GBP7: variants seen among roughly 807,000 people sequenced by gnomAD.
GBP7 encodes guanylate binding protein 7.
In GBP7, 43 loss-of-function variants were observed where a neutral mutation model predicts 61.3. That is an observed-to-expected ratio of 0.70 (90% CI 0.55 to 0.91). The LOEUF (loss-of-function observed/expected upper bound fraction) is 0.91, where lower values mean the gene tolerates loss of function less well. Ranked by LOEUF, GBP7 falls within the 40% of genes least tolerant of loss-of-function variation. The probability of loss-of-function intolerance (pLI) is 0.00; values close to 1 mark genes in which losing one functional copy is unlikely to be tolerated. For missense variants in GBP7, 717 were observed against 740.5 expected (o/e 0.97, Z 0.37); for synonymous variants, 267 against 271.0 (o/e 0.99, Z 0.14).
intron 2 of GBP7, among the ~76,000 whole-genome samples, chr1:89,166,952 C>T (rs1647460290): frequency 6.6e-6 from 1 of 152,198 alleles, no homozygotes; most frequent in African/African-American, 2.4e-5. Context: ...CCTGCATGTA[C>T]TTCTCCTTTC....
In GBP7 at chr1:89,164,831, G is replaced by C; in HGVS notation, c.218C>G (p.Ser73Cys). Residue 73 changes from serine to cysteine, a missense_variant, in exon 3 of 11, where the codon TCT (serine) becomes TGT (cysteine). Ser to Cys is a moderately radical substitution (Grantham distance 112). Coordinates refer to ENST00000294671, the MANE Select transcript of GBP7 (RefSeq NM_207398.3). ...CCACATCCAGATGCCTTTGGTTTCA[G>C]ACTTCACTGTGCAGCCCAGAGGGAA... ...KGFPLGCTVK[S>C]ETKGIWMWCV... 1 of 1,613,932 alleles carries C rather than the reference G, an allele frequency of 6.2e-7. No homozygotes were observed. The highest frequency in any genetic ancestry group is 8.5e-7 in the Non-Finnish European group (1 of 1,179,888).
At chr1:89,162,341 GC>G (rs1430713642) in intron 3 of GBP7, among the ~76,000 whole-genome samples, 3 of 152,160 alleles carry the variant, frequency 2.0e-5, no homozygotes, top group Non-Finnish European at 4.4e-5. Flanking sequence ...AATAGGAATA[GC>G]ATTGAATCTA....
chr1:89,174,229 T>A (rs1647678566), intron 1 of GBP7, among the ~76,000 whole-genome samples: 1 of 152,232 alleles, frequency 6.6e-6, no homozygotes, highest in Non-Finnish European at 1.5e-5. Context: ...TATGCATGTG[T>A]ATTTTTATAT....
intron 3 of GBP7, among the ~76,000 whole-genome samples, chr1:89,157,537 C>T (rs1682344966): frequency 6.6e-6 from 1 of 151,962 alleles, no homozygotes; most frequent in Non-Finnish European, 1.5e-5. Context: ...ACCGCCGATC[C>T]CACAGAAATA....
rs147948134 is a variant in GBP7, at chr1:89,171,630, G to A, written c.190+116C>T. 58 of 862,414 alleles carry A rather than the reference G, an allele frequency of 6.7e-5. No individual in the cohort carries two copies. The East Asian group carries it at 1.5e-3, about 22-fold the overall frequency. 53.4% of individuals were successfully genotyped at this position (862,414 alleles called of 1,614,324 possible). A position where few individuals can be genotyped will look rare whatever the true frequency, so the allele number is the denominator to read the frequency against. On this transcript the variant is annotated intron_variant, in intron 2 of 10. Coordinates refer to ENST00000294671, the MANE Select transcript of GBP7 (RefSeq NM_207398.3). ...TGAAGGGTTCACTGATGAATTCAAA[G>A]TTAGCTATCAATACTTATCCCCAAC... is the stretch of plus-strand genomic sequence containing the variant.
At chr1:89,146,179 A>G (rs1202275765) in intron 8 of GBP7, among the ~76,000 whole-genome samples, 1 of 152,026 alleles carries the variant, frequency 6.6e-6, no homozygotes, top group African/African-American at 2.4e-5. Context: ...TTTCAAAAAA[A>G]TGTGTCAAGA....
intron 2 of GBP7, among the ~76,000 whole-genome samples, chr1:89,169,939 C>T (rs1323513379): frequency 6.6e-6 from 1 of 152,198 alleles, no homozygotes; most frequent in East Asian, 1.9e-4. Flanking sequence ...TCATAATCAG[C>T]AGCTTCTGTG....
At chr1:89,159,020 A>G (rs137902555) in intron 3 of GBP7, among the ~76,000 whole-genome samples, 2,452 of 152,292 alleles carry the variant, frequency 0.016, 56 homozygotes, top group African/African-American at 0.055. Context: ...AGAGATATAG[A>G]CCAATGGAAC....
At chr1:89,150,650 C>G in intron 5 of GBP7, 75 bp from the exon 6 acceptor site, 6 of 1,472,428 alleles carry the variant, frequency 4.1e-6, no homozygotes, top group Non-Finnish European at 5.6e-6. Context: ...TTCCAAAGTT[C>G]CTTCCATCAA....
At chr1:89,169,559 A>G (rs1380191962) in intron 2 of GBP7, among the ~76,000 whole-genome samples, 1 of 152,240 alleles carries the variant, frequency 6.6e-6, no homozygotes, top group Non-Finnish European at 1.5e-5. Flanking sequence ...ATTTATCTAC[A>G]ACCTGGACTA....
intron 9 of GBP7, among the ~76,000 whole-genome samples, chr1:89,135,992 A>G (rs141823759): frequency 6.6e-6 from 1 of 152,350 alleles, no homozygotes; most frequent in African/African-American, 2.4e-5. Flanking sequence ...ATGGAAAACA[A>G]AAAGAGCAGG....
In GBP7 at chr1:89,149,514, A is replaced by T. The variant is rs1291673842; in HGVS notation, c.930T>A (p.Cys310Ter). 1 of 1,614,096 alleles carries T rather than the reference A, an allele frequency of 6.2e-7. No individual in the cohort carries two copies. Among genetic ancestry groups the T allele is most frequent in the African/African-American group, 1.3e-5 (1 of 74,952 alleles). The change falls in exon 7 of 11, where the codon TGT (cysteine) becomes TGA (stop). Residue 310 changes from cysteine (C) to a stop codon, truncating the protein, a stop_gained. Coordinates refer to ENST00000294671, the MANE Select transcript of GBP7 (RefSeq NM_207398.3). LOFTEE classifies it high-confidence loss of function. ...CCAGAACTGCCATTGCATTCTCCAG[A>T]CAAGGAGTCGCTCCACTGTTGATGG... is the stretch of plus-strand genomic sequence containing the variant. ...LDAINSGATPCLENAMAVLAQ... is the reference protein window; with the variant it reads ...LDAINSGATP
chr1:89,150,125 C>T (rs994642620), intron 6 of GBP7, among the ~76,000 whole-genome samples: 1 of 152,182 alleles, frequency 6.6e-6, no homozygotes, highest in African/African-American at 2.4e-5. Context: ...CTTGCAGAAA[C>T]TCATGACATG....
intron 6 of GBP7, 31 bp downstream of exon 6, chr1:89,150,299 A>G (rs1211039082): frequency 6.3e-7 from 1 of 1,597,068 alleles, no homozygotes; most frequent in Non-Finnish European, 8.6e-7. Flanking sequence ...AGTAGGCCTC[A>G]GTAAACACCC....
At chr1:89,168,830 A>G (rs952119896) in intron 2 of GBP7, among the ~76,000 whole-genome samples, 2 of 152,124 alleles carry the variant, frequency 1.3e-5, no homozygotes, top group African/African-American at 4.8e-5. Flanking sequence ...GTAGCCAGGC[A>G]TGGTGGCGGG....
Position 89,171,642 on chromosome 1 carries a change from T to C in GBP7, c.190+104A>G, listed in dbSNP as rs749184408. On this transcript the variant is annotated intron_variant, in intron 2 of 10. Coordinates refer to ENST00000294671, the MANE Select transcript of GBP7 (RefSeq NM_207398.3). ...TGATGAATTCAAAGTTAGCTATCAA[T>C]ACTTATCCCCAACACTAACTTTCTC... 1.7e-4 allele frequency: 172 copies of C among 1,031,852 alleles called. 1 individual carries two copies. The highest frequency in any genetic ancestry group is 2.3e-4 in the Non-Finnish European group (161 of 706,422). The allele number at this position is 1,031,852 out of a possible 1,614,324, so 63.9% of individuals were successfully genotyped here.
rs772387703 is a variant in GBP7, at chr1:89,132,283, G to A, written c.1783C>T (p.Gln595Ter). Residue 595 changes from glutamine to a stop codon, truncating the protein, a stop_gained, in exon 11 of 11, where the codon CAG becomes TAG. Transcript: ENST00000294671. LOFTEE classifies it low-confidence loss of function (END_TRUNC). ...ATACTGCCAGCCACATCAAGAATCT[G>A]TGAAAACACTGAGGGCTCTTCATTT... ...AENEEPSVFSQILDVAGSIFI... is the reference protein window; with the variant it reads ...AENEEPSVFS 4.3e-6 allele frequency: 7 copies of A among 1,613,870 alleles called. No individual in the cohort carries two copies. Among genetic ancestry groups the A allele is most frequent in the African/African-American group, 1.3e-5 (1 of 74,920 alleles).
rs1322525918 is a variant in GBP7, at chr1:89,141,574, G to A, written c.1440C>T (p.Ala480=). 6 of 1,613,832 alleles carry A rather than the reference G, an allele frequency of 3.7e-6. No individual in the cohort carries two copies. The highest frequency in any genetic ancestry group is 5.1e-6 in the Non-Finnish European group (6 of 1,179,840). ...CTATGGCCTTCTCTCCAGCAGTGAG[G>A]GCTTTGTCTGACTGCAGGATGGATT... ...IEESILQSDK[A]LTAGEKAIAA... Residue 480 remains alanine (A), a synonymous_variant, in exon 9 of 11, where the codon GCC becomes GCT. Transcript: ENST00000294671.
chr1:89,164,799 G>T lies in GBP7; in HGVS notation c.250C>A (p.Pro84Thr), dbSNP rs146946502. The T allele has an allele frequency of 6.2e-7, 1 of 1,613,606 alleles. No homozygotes were observed. The highest frequency in any genetic ancestry group is 1.3e-5 in the African/African-American group (1 of 74,876). Residue 84 changes from proline to threonine, a missense_variant, in exon 3 of 11, where the codon CCC becomes ACC. Around this residue, in one of 3 missense-constraint regions of GBP7, gnomAD observed 387 missense variants for 385.2 expected, o/e 1.00. Transcript: ENST00000294671. Reference protein sequence around the residue: ...ETKGIWMWCVPHPSKPNHTLI... With the variant: ...ETKGIWMWCVTHPSKPNHTLI... The stretch of plus-strand genomic sequence containing the variant: ...GTGTGGTTTGGCTTGGAGGGGTGGG[G>T]CACACACCACATCCAGATGCCTTTG...
Sources: allele counts gnomAD v4.1 joint callset (sites outside exome capture counted in the v4.1 genomes callset), GRCh38; gene constraint gnomAD v4.1.1; regional missense constraint gnomAD v4.1.1; transcripts MANE v1.5; gene names NCBI Gene and HGNC (gene_info 2026-07-23, HGNC 2026-07-21).